ANLN: variants seen among roughly 807,000 people sequenced by gnomAD.
The protein encoded by ANLN is anillin.
Under a neutral mutation model 135.1 loss-of-function variants are expected in ANLN, and 59 were observed. The observed-to-expected ratio is 0.44, with a 90% CI of 0.35 to 0.54. The LOEUF is 0.54. Among genes scored for constraint, ANLN ranks in the 20% least tolerant of loss-of-function variants. ANLN has a pLI of 0.00. For synonymous variants in ANLN, 406 were observed against 456.4 expected, an observed-to-expected ratio of 0.89 and a Z score of 1.41; for missense variants, 1,182 against 1,340.0, an observed-to-expected ratio of 0.88 and a Z score of 1.84.
intron 5 of ANLN, among the ~76,000 whole-genome samples, chr7:36,410,279 AT>A (rs1182178127): frequency 1.6e-3 from 230 of 145,716 alleles, no homozygotes; most frequent in South Asian, 1.5e-3. Flanking sequence ...CCTTTTCAAA[AT>A]TTTTTTTTTT....
rs756150582 is a variant in ANLN at position 36,415,830 on chromosome 7, G to C, written c.1468G>C (p.Glu490Gln). 1.2e-6 allele frequency: 2 copies of C among 1,610,122 alleles called. No homozygotes were observed. The highest frequency in any genetic ancestry group is 1.7e-5 in the Admixed American group (1 of 59,112). Residue 490 changes from glutamate (E) to glutamine (Q), a missense_variant, in exon 8 of 24, where the codon GAA becomes CAA. Coordinates refer to ENST00000265748, the MANE Select transcript of ANLN (RefSeq NM_018685.5). ...AAAAACTCAGTCACTTCCAGTAACA[G>C]AAAAGGTGACCGAAAACCAGATACC... ...VSKTQSLPVT[E>Q]KVTENQIPAK... is the part of the protein sequence containing the mutation.
chr7:36,397,297 G>A (rs3801317), intron 2 of ANLN, among the ~76,000 whole-genome samples: 13,568 of 152,202 alleles, frequency 0.089, 749 homozygotes, highest in East Asian at 0.16. Flanking sequence ...ATGGTATTCA[G>A]CCAGGAAAAT....
At chr7:36,397,393 A>T (rs925673379) in intron 2 of ANLN, among the ~76,000 whole-genome samples, 15 of 152,196 alleles carry the variant, frequency 9.9e-5, no homozygotes, top group African/African-American at 3.6e-4. Flanking sequence ...AACCAGTGTT[A>T]CCTAAACTTC....
At chr7:36,414,861 CTG>C (rs1328460930) in intron 7 of ANLN, among the ~76,000 whole-genome samples, 2 of 152,190 alleles carry the variant, frequency 1.3e-5, no homozygotes, top group African/African-American at 4.8e-5. Flanking sequence ...CAGTCACTAA[CTG>C]TGTGCAAGAT....
intron 20 of ANLN, among the ~76,000 whole-genome samples, chr7:36,434,501 G>A (rs1356279966): frequency 6.6e-6 from 1 of 152,132 alleles, no homozygotes; most frequent in Non-Finnish European, 1.5e-5. Context: ...TGTTGCTTAT[G>A]GCAAGGTTGC....
At chr7:36,397,124 A>G (rs966018657) in intron 2 of ANLN, among the ~76,000 whole-genome samples, 1 of 151,310 alleles carries the variant, frequency 6.6e-6, no homozygotes, top group Non-Finnish European at 1.5e-5. Context: ...AATATAGAAA[A>G]AATTACAGAG....
chr7:36,418,539 C>T (rs1787740740), intron 9 of ANLN, among the ~76,000 whole-genome samples: 1 of 152,164 alleles, frequency 6.6e-6, no homozygotes, highest in South Asian at 2.1e-4. Flanking sequence ...TTATCGAACC[C>T]TGCCCTAAGT....
At chr7:36,448,306 C>T (rs1336598230) in intron 22 of ANLN, among the ~76,000 whole-genome samples, 1 of 152,184 alleles carries the variant, frequency 6.6e-6, no homozygotes, top group Non-Finnish European at 1.5e-5. Context: ...TGAGTCACTG[C>T]ACCCAGCCCT....
chr7:36,428,418 TG>T lies in ANLN; in HGVS notation c.2883+1391del. ...AGCTTAAAAATCAATCCTTAATTTTTGATCTACATATATTTGTTTTACTAAC... is the reference window on the plus strand; with the variant it reads ...AGCTTAAAAATCAATCCTTAATTTTTATCTACATATATTTGTTTTACTAAC... On this transcript the variant is annotated intron_variant, in intron 20 of 23. Coordinates refer to ENST00000265748, the MANE Select transcript of ANLN (RefSeq NM_018685.5). 3 of 962,208 alleles carry T rather than the reference TG, an allele frequency of 3.1e-6. No individual in the cohort carries two copies. In the South Asian group the frequency reaches 4.3e-5, roughly 14 times the overall value. The allele number at this position is 962,208 out of a possible 1,614,324, so 59.6% of individuals were successfully genotyped here.
In ANLN at chr7:36,399,158, T is replaced by C; in HGVS notation, c.252T>C (p.Asn84=). 6.2e-6 allele frequency: 10 copies of C among 1,613,982 alleles called. No homozygotes were observed. Among genetic ancestry groups the C allele is most frequent in the Non-Finnish European group, 8.5e-6 (10 of 1,179,998 alleles). ...NTEVEVSNLE[N]KQPVESTSAK... is the part of the protein sequence containing the mutation. ...AAGTAGAAGTTTCTAACTTGGAAAA[T>C]AAACAACCAGTTGAGTCGACATCTG... Residue 84 remains asparagine (N), a synonymous_variant, in exon 3 of 24, where the codon AAT becomes AAC. Coordinates refer to ENST00000265748, the MANE Select transcript of ANLN (RefSeq NM_018685.5).
At position 36,402,781 on chromosome 7, in the gene ANLN, A is replaced by C. The variant is rs556303017; in HGVS notation, c.487+3388A>C. ...TAGATTATCTCCATTCTCTGAAGCC[A>C]GTTGTCCTTCAGAGTCCAGCTTAAG... On this transcript the variant is annotated intron_variant, in intron 3 of 23. Transcript: ENST00000265748. 4.2e-3 allele frequency among the ~76,000 whole-genome samples: 640 copies of C among 152,280 alleles called. 3 individuals carry two copies. Among genetic ancestry groups the C allele is most frequent in the African/African-American group, 0.015 (618 of 41,554 alleles).
intron 21 of ANLN, among the ~76,000 whole-genome samples, chr7:36,440,608 A>G (rs1265399637): frequency 6.6e-6 from 1 of 152,178 alleles, no homozygotes; most frequent in Non-Finnish European, 1.5e-5. Flanking sequence ...GCGGCTTTAA[A>G]TGTAGATGGG....
intron 3 of ANLN, chr7:36,403,509 G>A (rs1207302254): frequency 6.6e-6 from 1 of 152,300 alleles, no homozygotes; most frequent in Admixed American, 6.5e-5. Flanking sequence ...TGCAAAGTGT[G>A]TACTGGCATC....
At chr7:36,439,134 A>G in intron 20 of ANLN, 70 bp from the exon 21 acceptor site, 1 of 901,502 alleles carries the variant, frequency 1.1e-6, no homozygotes, top group Admixed American at 2.0e-5. Context: ...TTCATGATTT[A>G]TACATGATTT....
rs143410470 is a variant in ANLN, at chr7:36,407,824, A to G, written c.964A>G (p.Ile322Val). Reference sequence around the variant, plus strand: ...TCCTGAGCTACTTCCAAAAACTCCTATTAGTCCTCTGAAAACGGGGGTATC... The same window carrying G: ...TCCTGAGCTACTTCCAAAAACTCCTGTTAGTCCTCTGAAAACGGGGGTATC... ...QNPELLPKTP[I>V]SPLKTGVSKP... The change falls in exon 5 of 24, where the codon ATT becomes GTT. Residue 322 changes from isoleucine to valine, a missense_variant. By Grantham distance (29) the Ile-to-Val change is conservative. Coordinates refer to ENST00000265748, the MANE Select transcript of ANLN (RefSeq NM_018685.5). 59 of 1,613,776 alleles carry G rather than the reference A, an allele frequency of 3.7e-5. No individual in the cohort carries two copies. The highest frequency in any genetic ancestry group is 1.6e-4 in the Middle Eastern group (1 of 6,080).
chr7:36,426,003 T>G lies in ANLN; in HGVS notation c.2749-12T>G. The G allele has an allele frequency of 6.6e-7, 1 of 1,521,812 alleles. No individual in the cohort carries two copies. 94.3% of individuals were successfully genotyped at this position (1,521,812 alleles called of 1,614,324 possible). A position where few individuals can be genotyped will look rare whatever the true frequency, so the allele number is the denominator to read the frequency against. On this transcript the variant is annotated splice_polypyrimidine_tract_variant and intron_variant, in intron 18 of 23. Transcript: ENST00000265748. ...TTATGTTTCTTCTTCACACCTTTTT[T>G]TTTTTTTTTAGAAAAGCAACATTCA...
intron 1 of ANLN, among the ~76,000 whole-genome samples, chr7:36,392,388 T>G (rs957268251): frequency 6.6e-6 from 1 of 151,690 alleles, no homozygotes. Flanking sequence ...TAAAATCTCC[T>G]AGAAAAATTT....
In ANLN at chr7:36,411,045, T is replaced by G; in HGVS notation, c.1288-14T>G. Reference sequence around the variant, plus strand: ...ACCGGCTCTTGTGTAAAATACAGCTTTTGATGGGTTTAGGAACGTCAAAAA... The same window carrying G: ...ACCGGCTCTTGTGTAAAATACAGCTGTTGATGGGTTTAGGAACGTCAAAAA... On this transcript the variant is annotated splice_polypyrimidine_tract_variant and intron_variant, in intron 6 of 23. Transcript: ENST00000265748. 6.4e-7 allele frequency: 1 copy of G among 1,574,062 alleles called. No individual in the cohort carries two copies. The highest frequency in any genetic ancestry group is 8.6e-7 in the Non-Finnish European group (1 of 1,168,086).
intron 7 of ANLN, among the ~76,000 whole-genome samples, chr7:36,411,735 A>G (rs1005416156): frequency 2.6e-5 from 4 of 152,244 alleles, no homozygotes; most frequent in Non-Finnish European, 1.5e-5. Context: ...AGAAAGTAAA[A>G]TAACAGTAAA....
Sources: gnomAD v4.1 joint callset for allele counts (sites outside exome capture counted in the v4.1 genomes callset) on GRCh38, gnomAD v4.1.1 for gene constraint, MANE v1.5 for transcripts, NCBI Gene and HGNC (gene_info 2026-07-23, HGNC 2026-07-21) for gene names.